The following SLC25A37 variants were observed in gnomAD, a reference collection of about 807,000 sequenced individuals.
SLC25A37 encodes mitoferrin-1.
A neutral mutation model predicts 31.0 loss-of-function variants in SLC25A37; 17 were observed. The observed-to-expected ratio is 0.55, with a 90% CI of 0.38 to 0.82. SLC25A37 has a LOEUF of 0.82. SLC25A37 is among the 40% of genes least tolerant of loss of function. The pLI is 0.00. For missense variants in SLC25A37, 404 were observed against 465.8 expected, an observed-to-expected ratio of 0.87 and a Z score of 1.22; for synonymous variants, 222 against 193.0, an observed-to-expected ratio of 1.15 and a Z score of -1.24.
chr8:23,547,998 C>G (rs964056833), intron 1 of SLC25A37, among the ~76,000 whole-genome samples: 3 of 152,112 alleles, frequency 2.0e-5, no homozygotes, highest in African/African-American at 7.2e-5. Flanking sequence ...AAGGTCACCC[C>G]GCACTGCCAG....
At position 23,551,247 on chromosome 8, in the gene SLC25A37, G is replaced by A. The variant is rs113328385; in HGVS notation, c.211-14861G>A. ...TCTGCCAGCTATCTAAGTTTTCTTT[G>A]TTACATAATCAGGATTAATTTAAGC... On this transcript the variant is annotated intron_variant, in intron 1 of 3. Transcript: ENST00000519973. Among the ~76,000 whole-genome samples, 1,086 of 152,292 alleles carry A rather than the reference G, an allele frequency of 7.1e-3. 20 individuals are homozygous for A. The highest frequency in any genetic ancestry group is 0.025 in the African/African-American group (1,038 of 41,548).
chr8:23,561,216 C>A (rs181643412), intron 1 of SLC25A37, among the ~76,000 whole-genome samples: 8 of 150,324 alleles, frequency 5.3e-5, no homozygotes, highest in Admixed American at 5.3e-4. Flanking sequence ...TTTTCTTTCA[C>A]AGCACAAAGA....
intron 2 of SLC25A37, 119 bp from the exon 3 acceptor site, chr8:23,568,203 C>T: frequency 1.0e-6 from 1 of 975,910 alleles, no homozygotes; most frequent in Non-Finnish European, 1.7e-6. Flanking sequence ...CTGGGCGGAG[C>T]TGGTAGTACA....
intron 1 of SLC25A37, among the ~76,000 whole-genome samples, chr8:23,561,425 T>G (rs933611049): frequency 6.6e-6 from 1 of 152,234 alleles, no homozygotes; most frequent in Non-Finnish European, 1.5e-5. Context: ...TCTTGATGGC[T>G]TCACGTATAT....
chr8:23,555,665 C>G (rs973043383), intron 1 of SLC25A37, among the ~76,000 whole-genome samples: 8 of 152,206 alleles, frequency 5.3e-5, no homozygotes, highest in Non-Finnish European at 1.2e-4. Context: ...GGCAGGAATC[C>G]TCTGTGGTCC....
intron 1 of SLC25A37, among the ~76,000 whole-genome samples, chr8:23,545,974 A>T (rs1197396534): frequency 6.6e-6 from 1 of 152,156 alleles, no homozygotes; most frequent in Non-Finnish European, 1.5e-5. Flanking sequence ...GTCTCAACTA[A>T]AAATACAAAA....
chr8:23,551,025 C>A (rs2117420031), intron 1 of SLC25A37, among the ~76,000 whole-genome samples: 1 of 152,318 alleles, frequency 6.6e-6, no homozygotes, highest in Admixed American at 6.5e-5. Context: ...ATGAACTTGG[C>A]CACACCAGAC....
At chr8:23,551,583 A>G (rs566258500) in intron 1 of SLC25A37, among the ~76,000 whole-genome samples, 124 of 139,860 alleles carry the variant, frequency 8.9e-4, no homozygotes, top group South Asian at 8.4e-3. Context: ...TATCCAAAGG[A>G]AAAAAAAAAA....
At chr8:23,563,947 C>G (rs1174042790) in intron 1 of SLC25A37, among the ~76,000 whole-genome samples, 1 of 152,048 alleles carries the variant, frequency 6.6e-6, no homozygotes, top group East Asian at 1.9e-4. Context: ...TGCCACTGCA[C>G]TCCAGCCTGG....
chr8:23,549,012 T>C (rs1052726493), intron 1 of SLC25A37, among the ~76,000 whole-genome samples: 13 of 152,102 alleles, frequency 8.5e-5, no homozygotes, highest in African/African-American at 2.9e-4. Flanking sequence ...CTAAATGAGG[T>C]CCCCCTGCAT....
intron 1 of SLC25A37, among the ~76,000 whole-genome samples, chr8:23,562,322 T>C (rs1802537271): frequency 6.6e-6 from 1 of 152,210 alleles, no homozygotes; most frequent in Admixed American, 6.5e-5. Flanking sequence ...CGGTGACACG[T>C]GAACTTTGCA....
intron 1 of SLC25A37, among the ~76,000 whole-genome samples, chr8:23,563,878 G>A (rs1429155058): frequency 6.6e-6 from 1 of 152,072 alleles, no homozygotes; most frequent in African/African-American, 2.4e-5. Flanking sequence ...CTACTCAGGA[G>A]GCTGAGGCAG....
At chr8:23,548,797 T>A (rs1231047339) in intron 1 of SLC25A37, among the ~76,000 whole-genome samples, 3 of 152,142 alleles carry the variant, frequency 2.0e-5, no homozygotes, top group Admixed American at 1.3e-4. Context: ...ACCATATAGA[T>A]GGAAACACAG....
intron 3 of SLC25A37, chr8:23,568,652 A>G: frequency 2.2e-6 from 1 of 452,526 alleles, no homozygotes; most frequent in Non-Finnish European, 4.1e-6. Context: ...GGAAATGCTA[A>G]TTCTGAGGCT....
At chr8:23,559,941 T>C (rs1585196683) in intron 1 of SLC25A37, among the ~76,000 whole-genome samples, 1 of 152,312 alleles carries the variant, frequency 6.6e-6, no homozygotes, top group East Asian at 1.9e-4. Context: ...CTCCCAGATG[T>C]TTTTTCCCCT....
At chr8:23,564,748 A>G (rs896451377) in intron 1 of SLC25A37, among the ~76,000 whole-genome samples, 1 of 152,186 alleles carries the variant, frequency 6.6e-6, no homozygotes, top group African/African-American at 2.4e-5. Context: ...GACAGAAACC[A>G]GGAGAGACAG....
chr8:23,568,260 T>C, intron 2 of SLC25A37, 62 bp from the exon 3 acceptor site: 1 of 1,584,530 alleles, frequency 6.3e-7, no homozygotes. Flanking sequence ...TGATTTTAGG[T>C]TCCAGGAACT....
chr8:23,539,315 A>G (rs1801842906), intron 1 of SLC25A37, among the ~76,000 whole-genome samples: 1 of 152,160 alleles, frequency 6.6e-6, no homozygotes, highest in Non-Finnish European at 1.5e-5. Context: ...CTCTGGATCC[A>G]TTAGATCCAT....
intron 1 of SLC25A37, among the ~76,000 whole-genome samples, chr8:23,559,035 C>T (rs888336594): frequency 2.6e-5 from 4 of 152,182 alleles, no homozygotes; most frequent in South Asian, 2.1e-4. Flanking sequence ...CCATTGGCTA[C>T]GGCTGTGTTT....
Sources: gnomAD v4.1 joint callset for allele counts (sites outside exome capture counted in the v4.1 genomes callset) on GRCh38, gnomAD v4.1.1 for gene constraint, MANE v1.5 for transcripts, NCBI Gene and HGNC (gene_info 2026-07-23, HGNC 2026-07-21) for gene names.